The following ZNF407 variants were observed in gnomAD, a reference collection of about 807,000 sequenced individuals.
ZNF407 encodes the protein zinc finger protein 407.
ZNF407 carries 17 observed loss-of-function variants against 131.2 expected under a neutral mutation model. That is an observed-to-expected ratio of 0.13 (90% CI 0.09 to 0.19). ZNF407 has a LOEUF of 0.19. Ranked by LOEUF, ZNF407 falls within the 10% of genes least tolerant of loss-of-function variation. The probability of loss-of-function intolerance (pLI) is 1.00; values close to 1 mark genes in which losing one functional copy is unlikely to be tolerated. For missense variants in ZNF407, 2,681 were observed against 2,830.6 expected (o/e 0.95, Z 1.20); for synonymous variants, 1,156 against 1,062.0 (o/e 1.09, Z -1.72).
chr18:74,892,059 CAG>C (rs1486259982), intron 7 of ZNF407, among the ~76,000 whole-genome samples: 5 of 152,058 alleles, frequency 3.3e-5, no homozygotes, highest in Non-Finnish European at 5.9e-5. Context: ...ACAAATAAAA[CAG>C]AGAAAAGTGT....
intron 8 of ZNF407, among the ~76,000 whole-genome samples, chr18:75,037,923 T>C (rs1973328661): frequency 6.6e-6 from 1 of 152,220 alleles, no homozygotes; most frequent in African/African-American, 2.4e-5. Context: ...TTGGGAATTT[T>C]AACTGATGTC....
At chr18:74,771,153 T>A (rs1969352119) in intron 3 of ZNF407, among the ~76,000 whole-genome samples, 1 of 152,160 alleles carries the variant, frequency 6.6e-6, no homozygotes, top group Non-Finnish European at 1.5e-5. Flanking sequence ...AAAAGCGGTA[T>A]AACATTCAAG....
At chr18:74,659,603 T>C (rs1345805395) in intron 3 of ZNF407, among the ~76,000 whole-genome samples, 1 of 152,192 alleles carries the variant, frequency 6.6e-6, no homozygotes, top group Non-Finnish European at 1.5e-5. Context: ...TGTGACTCTT[T>C]TAATGATTAT....
chr18:74,609,474 T>C (rs1053792858), intron 1 of ZNF407, among the ~76,000 whole-genome samples: 1 of 152,012 alleles, frequency 6.6e-6, no homozygotes, highest in African/African-American at 2.4e-5. Flanking sequence ...TCTAAATCTA[T>C]CCAAACATAG....
intron 8 of ZNF407, among the ~76,000 whole-genome samples, chr18:75,059,530 C>T (rs747185988): frequency 8.5e-5 from 13 of 152,148 alleles, no homozygotes; most frequent in Middle Eastern, 3.4e-3. Context: ...AATTAGAGAA[C>T]GGACAGAAAC....
intron 4 of ZNF407, among the ~76,000 whole-genome samples, chr18:74,810,684 A>G (rs1970180902): frequency 6.6e-6 from 1 of 152,148 alleles, no homozygotes; most frequent in African/African-American, 2.4e-5. Context: ...TTTAAATTTC[A>G]GAAATATCGC....
chr18:74,713,998 T>C (rs1348729972), intron 3 of ZNF407, among the ~76,000 whole-genome samples: 1 of 152,232 alleles, frequency 6.6e-6, no homozygotes, highest in Non-Finnish European at 1.5e-5. Flanking sequence ...TCAGAAATCT[T>C]AGTTATGCCT....
chr18:74,946,334 C>T (rs1411947546), intron 8 of ZNF407, among the ~76,000 whole-genome samples: 1 of 152,166 alleles, frequency 6.6e-6, no homozygotes, highest in Non-Finnish European at 1.5e-5. Context: ...ATTCTAATAA[C>T]CATGGCATTT....
intron 4 of ZNF407, among the ~76,000 whole-genome samples, chr18:74,788,155 A>C (rs563371064): frequency 6.6e-6 from 1 of 152,206 alleles, no homozygotes; most frequent in African/African-American, 2.4e-5. Flanking sequence ...TTCCAGTTTT[A>C]TTTATTTTTT....
At chr18:74,820,147 A>C (rs1406998991) in intron 4 of ZNF407, among the ~76,000 whole-genome samples, 1 of 152,228 alleles carries the variant, frequency 6.6e-6, no homozygotes, top group African/African-American at 2.4e-5. Context: ...TAAGGGAAGC[A>C]GTTGGAAGAC....
rs761528642 is a variant in ZNF407 at position 74,630,990 on chromosome 18, TTAGA to T, written c.-25_-22del. ...AGGTTATGAGTGCCAGTGAGCCGCC[TTAGA>T]TAGAAGCATCGTCAGCACTTTATTA... is the stretch of plus-strand genomic sequence containing the variant. On this transcript the variant is annotated 5_prime_UTR_variant, in exon 2 of 9. Transcript: ENST00000299687. 6.3e-7 allele frequency: 1 copy of T among 1,574,940 alleles called. No homozygotes were observed. Among genetic ancestry groups the T allele is most frequent in the Non-Finnish European group, 8.6e-7 (1 of 1,164,772 alleles).
At position 74,960,472 on chromosome 18, in the gene ZNF407, T is replaced by A. The variant is rs1972327752; in HGVS notation, c.5428+39780T>A. On this transcript the variant is annotated intron_variant, in intron 8 of 8. Transcript: ENST00000299687. ...TGGAGGGATAGGAGAAGGTCCTGAG[T>A]CAGTGCTTGGTGGAGGCATAGGAGA... 2.8e-5 allele frequency among the ~76,000 whole-genome samples: 4 copies of A among 141,580 alleles called. No individual in the cohort carries two copies. In the South Asian group the frequency reaches 6.9e-4, roughly 24 times the overall value. 92.9% of individuals were successfully genotyped at this position (141,580 alleles called of 152,430 possible).
Position 75,064,743 on chromosome 18 carries a change from G to A in ZNF407, c.*275G>A, listed in dbSNP as rs1047630297. 1.1e-5 allele frequency: 4 copies of A among 367,936 alleles called. No homozygotes were observed. Among genetic ancestry groups the A allele is most frequent in the Non-Finnish European group, 1.5e-5 (3 of 203,818 alleles). The allele number at this position is 367,936 out of a possible 1,614,324, so 22.8% of individuals were successfully genotyped here. ...AGCTCCGGTCCACTGGGGGCCCTTC[G>A]ATCAGTGGCCTCCCGCTTCGTCCTG... On this transcript the variant is annotated 3_prime_UTR_variant, in exon 9 of 9. Transcript: ENST00000299687.
chr18:74,881,283 C>T lies in ZNF407; in HGVS notation c.5128+164C>T, dbSNP rs550391308. Among the ~76,000 whole-genome samples the T allele has an allele frequency of 7.3e-4, 111 of 152,314 alleles. 1 individual carries two copies. In the Middle Eastern group the frequency reaches 0.014, roughly 19 times the overall value. On this transcript the variant is annotated intron_variant, in intron 6 of 8. Coordinates refer to ENST00000299687, the MANE Select transcript of ZNF407 (RefSeq NM_017757.3). ...AGTTGAATAACATAAAATTTTAAAT[C>T]ATCTCTTTTTATATATTTGAAATGT...
chr18:74,698,610 T>C (rs774978304), intron 3 of ZNF407, among the ~76,000 whole-genome samples: 43 of 152,198 alleles, frequency 2.8e-4, no homozygotes, highest in Admixed American at 4.6e-4. Context: ...TCATGGTGTG[T>C]CAGGTGTTGA....
chr18:74,970,111 T>A (rs1015039434), intron 8 of ZNF407, among the ~76,000 whole-genome samples: 1 of 152,062 alleles, frequency 6.6e-6, no homozygotes, highest in African/African-American at 2.4e-5. Flanking sequence ...TGAGACTTAA[T>A]CACGATCATG....
At chr18:74,734,857 T>G (rs1968377872) in intron 3 of ZNF407, among the ~76,000 whole-genome samples, 1 of 152,118 alleles carries the variant, frequency 6.6e-6, no homozygotes, top group Non-Finnish European at 1.5e-5. Context: ...CATTTTACAT[T>G]TTGGATAATG....
intron 3 of ZNF407, among the ~76,000 whole-genome samples, chr18:74,712,704 T>C (rs1042291418): frequency 6.6e-6 from 1 of 152,112 alleles, no homozygotes; most frequent in Non-Finnish European, 1.5e-5. Flanking sequence ...GACTATTGGG[T>C]AGATAGCTGG....
intron 8 of ZNF407, among the ~76,000 whole-genome samples, chr18:75,035,660 G>A (rs1973299773): frequency 6.6e-6 from 1 of 152,372 alleles, no homozygotes; most frequent in South Asian, 2.1e-4. Context: ...AGCAGTGGCT[G>A]ATACGTCCTG....
Sources: allele counts gnomAD v4.1 joint callset (sites outside exome capture counted in the v4.1 genomes callset), GRCh38; gene constraint gnomAD v4.1.1; transcripts MANE v1.5; gene names NCBI Gene and HGNC (gene_info 2026-07-23, HGNC 2026-07-21).